SLC22A14: variants seen among roughly 807,000 people sequenced by gnomAD.
The protein encoded by SLC22A14 is organic cation transporter-like 4.
SLC22A14 carries 50 observed loss-of-function variants against 53.9 expected under a neutral mutation model. The observed-to-expected ratio is 0.93, with a 90% confidence interval of 0.74 to 1.17. The LOEUF is 1.17. Among genes scored for constraint, SLC22A14 ranks in the 50% most tolerant of loss-of-function variants. SLC22A14 has a pLI of 0.00. For synonymous variants in SLC22A14, 312 were observed against 303.0 expected, an observed-to-expected ratio of 1.03 and a Z score of -0.31; for missense variants, 671 against 734.7, an observed-to-expected ratio of 0.91 and a Z score of 1.00.
chr3:38,288,654 T>G (rs977510772), intron 1 of SLC22A14, among the ~76,000 whole-genome samples: 2 of 152,190 alleles, frequency 1.3e-5, no homozygotes, highest in African/African-American at 4.8e-5. Flanking sequence ...TTTGTTAGGT[T>G]GTTTCTAATC....
chr3:38,292,356 C>T (rs1216587114), intron 1 of SLC22A14, among the ~76,000 whole-genome samples: 2 of 152,116 alleles, frequency 1.3e-5, no homozygotes, highest in Non-Finnish European at 2.9e-5. Context: ...AAAAAGGCAT[C>T]CTTAAGGTCC....
intron 1 of SLC22A14, among the ~76,000 whole-genome samples, chr3:38,303,384 C>T (rs148597149): frequency 1.1e-4 from 16 of 152,256 alleles, no homozygotes; most frequent in African/African-American, 3.6e-4. Context: ...AAACTTGCCA[C>T]AAGTACCACT....
At position 38,307,769 on chromosome 3, in the gene SLC22A14, C is replaced by T. The variant is rs141638661; in HGVS notation, c.775+49C>T. 24 of 1,590,480 alleles carry T rather than the reference C, an allele frequency of 1.5e-5. No homozygotes were observed. The highest frequency in any genetic ancestry group is 4.5e-5 in the South Asian group (4 of 89,596). ...AGGGCAGGGTGGCACAGGGGCATGG[C>T]GGCATAGGCGGGTGACAAGGGGACA... On this transcript the variant is annotated intron_variant, in intron 4 of 10. Transcript: ENST00000448498. This position sits in a 1 kb window ranked among gnomAD's most constrained non-coding sequence, Gnocchi z 4.4.
At chr3:38,311,230 T>C (rs1158534477) in intron 5 of SLC22A14, among the ~76,000 whole-genome samples, 1 of 152,198 alleles carries the variant, frequency 6.6e-6, no homozygotes, top group East Asian at 1.9e-4. Flanking sequence ...ACCAATGTAC[T>C]ATGGGTGCTG....
intron 7 of SLC22A14, 36 bp from the exon 8 acceptor site, chr3:38,313,691 C>CGCGCGCGCGTGTGTGTGTGT: frequency 1.1e-6 from 1 of 941,118 alleles, no homozygotes; most frequent in Non-Finnish European, 1.5e-6. Context: ...TGTGTGCGCG[C>CGCGCGCGCGTGTGTGTGTGT]GTGTGCACGC....
At chr3:38,302,949 T>C (rs1183379685) in intron 1 of SLC22A14, among the ~76,000 whole-genome samples, 21 of 152,160 alleles carry the variant, frequency 1.4e-4, no homozygotes, top group Admixed American at 1.4e-3. Flanking sequence ...GACTTTCTAT[T>C]TATTCTTAAA....
intron 1 of SLC22A14, among the ~76,000 whole-genome samples, chr3:38,288,191 C>T (rs1457318615): frequency 6.6e-6 from 1 of 152,106 alleles, no homozygotes; most frequent in Non-Finnish European, 1.5e-5. Flanking sequence ...TCATACATGT[C>T]CTTTTGTGAT....
rs1458284886 is a variant in SLC22A14, at chr3:38,313,773, G to C, written c.1210G>C (p.Glu404Gln). 6.2e-7 allele frequency: 1 copy of C among 1,604,086 alleles called. No homozygotes were observed. The highest frequency in any genetic ancestry group is 1.7e-5 in the Admixed American group (1 of 58,828). The part of the protein sequence containing the change: ...TYFTLSLRMR[E>Q]LGVSVHFRHV... ...TTTTACGTTGAGCCTGAGAATGAGAGAGCTGGGCGTGAGCGTCCACTTCAG... is the reference window on the plus strand; with the variant it reads ...TTTTACGTTGAGCCTGAGAATGAGACAGCTGGGCGTGAGCGTCCACTTCAG... The change falls in exon 8 of 11, where the codon GAG (glutamate) becomes CAG (glutamine). Residue 404 changes from glutamate (E) to glutamine (Q), a missense_variant. Physicochemically the swap from Glu to Gln is conservative, Grantham distance 29 (BLOSUM62 2). Coordinates refer to ENST00000448498, the MANE Select transcript of SLC22A14 (RefSeq NM_001320033.2).
intron 10 of SLC22A14, 84 bp from the exon 11 acceptor site, chr3:38,318,114 G>T: frequency 7.8e-7 from 1 of 1,278,456 alleles, no homozygotes; most frequent in South Asian, 1.2e-5. Flanking sequence ...CGCAGGGTTG[G>T]GCGCTGCTGA....
chr3:38,300,313 A>C (rs1398021666), intron 1 of SLC22A14, among the ~76,000 whole-genome samples: 2 of 152,108 alleles, frequency 1.3e-5, no homozygotes, highest in Non-Finnish European at 2.9e-5. Context: ...GGTGGTGTGC[A>C]CCTGTTGTCC....
At chr3:38,303,650 T>C (rs1191342495) in intron 1 of SLC22A14, 1 of 152,190 alleles carries the variant, frequency 6.6e-6, no homozygotes, top group African/African-American at 2.4e-5. Context: ...ATCTCAATGA[T>C]TGTATTTATT....
intron 4 of SLC22A14, among the ~76,000 whole-genome samples, chr3:38,308,463 A>G (rs1022989554): frequency 1.3e-5 from 2 of 152,266 alleles, no homozygotes; most frequent in Non-Finnish European, 2.9e-5. Flanking sequence ...ACTTCAACCC[A>G]GGCCTATGAG....
chr3:38,289,105 G>A (rs544930472), intron 1 of SLC22A14, among the ~76,000 whole-genome samples: 90 of 149,798 alleles, frequency 6.0e-4, no homozygotes, highest in African/African-American at 1.7e-3. Flanking sequence ...ACCTAAGCCC[G>A]GGAGTTCAGC....
chr3:38,306,185 C>A lies in SLC22A14; in HGVS notation c.159C>A (p.Ala53=). ...AVHTKQDDKF[A]NLLDAVGEFG... Reference sequence around the variant, plus strand: ...ACACCAAGCAGGATGACAAGTTTGCCAACCTCCTGGATGCGGTGGGGGAGT... The same window carrying A: ...ACACCAAGCAGGATGACAAGTTTGCAAACCTCCTGGATGCGGTGGGGGAGT... The change falls in exon 2 of 11, where the codon GCC becomes GCA. Residue 53 remains alanine (A), a synonymous_variant. Coordinates refer to ENST00000448498, the MANE Select transcript of SLC22A14 (RefSeq NM_001320033.2). 2 of 1,614,198 alleles carry A rather than the reference C, an allele frequency of 1.2e-6. No individual in the cohort carries two copies. Among genetic ancestry groups the A allele is most frequent in the South Asian group, 2.2e-5 (2 of 91,082 alleles).
Position 38,318,561 on chromosome 3 carries a change from C to T in SLC22A14, c.*312C>T. ...GCTGTGATTCATTCCAATAAAGGTACAATGTTGGTCTTGAGATGGCTGGGT... is the reference window on the plus strand; with the variant it reads ...GCTGTGATTCATTCCAATAAAGGTATAATGTTGGTCTTGAGATGGCTGGGT... On this transcript the variant is annotated 3_prime_UTR_variant, in exon 11 of 11. Coordinates refer to ENST00000448498, the MANE Select transcript of SLC22A14 (RefSeq NM_001320033.2). The T allele has an allele frequency of 6.6e-6, 2 of 302,742 alleles. No individual in the cohort carries two copies. Among genetic ancestry groups the T allele is most frequent in the Non-Finnish European group, 1.2e-5 (2 of 160,116 alleles). The allele number at this position is 302,742 out of a possible 1,614,324, so 18.8% of individuals were successfully genotyped here. A position where few individuals can be genotyped will look rare whatever the true frequency, so the allele number is the denominator to read the frequency against.
chr3:38,284,128 T>C (rs1002817274), intron 1 of SLC22A14, among the ~76,000 whole-genome samples: 9 of 152,170 alleles, frequency 5.9e-5, no homozygotes, highest in Non-Finnish European at 1.3e-4. Flanking sequence ...GCAGTCGCAG[T>C]CTGAGAAGGA....
At chr3:38,279,400 G>A (rs1703622348), upstream of SLC22A14, among the ~76,000 whole-genome samples, 2 of 152,162 alleles carry the variant, frequency 1.3e-5, no homozygotes, top group African/African-American at 2.4e-5. Context: ...CCTTTAAGAC[G>A]GAATGATTGT....
chr3:38,299,308 C>T (rs945355686), intron 1 of SLC22A14, among the ~76,000 whole-genome samples: 1 of 152,048 alleles, frequency 6.6e-6, no homozygotes, highest in Non-Finnish European at 1.5e-5. Context: ...TACCCCATTC[C>T]ATTCCCTCAT....
chr3:38,282,703 G>T (rs1385665162), intron 1 of SLC22A14, among the ~76,000 whole-genome samples: 1 of 152,152 alleles, frequency 6.6e-6, no homozygotes, highest in Non-Finnish European at 1.5e-5. Flanking sequence ...GTGCTCCAGG[G>T]TATTGGGGTA....
Sources: allele counts gnomAD v4.1 joint callset (sites outside exome capture counted in the v4.1 genomes callset), GRCh38; gene constraint gnomAD v4.1.1; non-coding constraint Gnocchi (gnomAD v3.1); transcripts MANE v1.5; gene names NCBI Gene and HGNC (gene_info 2026-07-23, HGNC 2026-07-21).